NKAIN3: variants seen among roughly 807,000 people sequenced by gnomAD.
NKAIN3 encodes the protein sodium/potassium-transporting ATPase subunit beta-1-interacting protein 3.
Under a neutral mutation model 30.2 loss-of-function variants are expected in NKAIN3, and 25 were observed. The observed-to-expected ratio is 0.83, with a 90% CI of 0.60 to 1.16. The LOEUF is 1.16. Among genes scored for constraint, NKAIN3 ranks in the 50% most tolerant of loss-of-function variants. NKAIN3 has a pLI of 0.00. For missense variants in NKAIN3, 225 were observed against 254.1 expected (o/e 0.89, Z 0.78); for synonymous variants, 91 against 89.6 (o/e 1.02, Z -0.09).
At chr8:62,806,420 A>C (rs1818283439) in intron 4 of NKAIN3, among the ~76,000 whole-genome samples, 2 of 152,226 alleles carry the variant, frequency 1.3e-5, no homozygotes, top group African/African-American at 4.8e-5. Flanking sequence ...TGCAACAATC[A>C]TAGACTGGAT....
intron 4 of NKAIN3, among the ~76,000 whole-genome samples, chr8:62,793,194 A>C (rs529158144): frequency 1.3e-5 from 2 of 151,924 alleles, no homozygotes; most frequent in South Asian, 4.1e-4. Flanking sequence ...TGGTTTTACC[A>C]AGGGAAAAAA....
chr8:62,846,888 C>A (rs1819704619), intron 4 of NKAIN3, among the ~76,000 whole-genome samples: 1 of 152,116 alleles, frequency 6.6e-6, no homozygotes, highest in Admixed American at 6.6e-5. Context: ...TCATGTCTTA[C>A]ACGGTGGCAG....
At chr8:62,652,552 T>G (rs1236372025) in intron 3 of NKAIN3, among the ~76,000 whole-genome samples, 1 of 152,178 alleles carries the variant, frequency 6.6e-6, no homozygotes, top group Non-Finnish European at 1.5e-5. Context: ...ATTCTCCTTT[T>G]TAGTAAGATA....
rs576431669 is a variant in NKAIN3, at chr8:62,330,344, G to A, written c.54+81217G>A. ...ACTACCATTCAGAGTATAAGCCAGG[G>A]TACGTAGGAAACAAGGAGGCACTGG... On this transcript the variant is annotated intron_variant, in intron 1 of 6. Transcript: ENST00000623646. Among the ~76,000 whole-genome samples the A allele has an allele frequency of 7.9e-5, 12 of 152,084 alleles. No individual in the cohort carries two copies. In the South Asian group the frequency reaches 1.7e-3, roughly 21 times the overall value.
intron 1 of NKAIN3, among the ~76,000 whole-genome samples, chr8:62,560,513 C>A (rs1415797789): frequency 7.5e-6 from 1 of 133,856 alleles, no homozygotes; most frequent in East Asian, 2.2e-4. Context: ...TTCCAGTTCA[C>A]TGAATCTTTT....
At chr8:62,333,267 C>T (rs763486661) in intron 1 of NKAIN3, among the ~76,000 whole-genome samples, 8 of 151,960 alleles carry the variant, frequency 5.3e-5, no homozygotes, top group Non-Finnish European at 1.2e-4. Context: ...TTTTATGACT[C>T]CAGAAGTTAA....
At chr8:62,563,026 G>T (rs2129986065) in intron 1 of NKAIN3, among the ~76,000 whole-genome samples, 1 of 152,068 alleles carries the variant, frequency 6.6e-6, no homozygotes, top group South Asian at 2.1e-4. Context: ...CTTGTTTGTG[G>T]GATTGTGTGG....
chr8:62,843,298 CTTT>C (rs991536780), intron 4 of NKAIN3, among the ~76,000 whole-genome samples: 1 of 150,340 alleles, frequency 6.7e-6, no homozygotes, highest in African/African-American at 2.4e-5. Context: ...CGTCTTTTTT[CTTT>C]TTTTAATTAA....
At chr8:62,394,982 TCGGCG>T (rs371323025) in intron 1 of NKAIN3, among the ~76,000 whole-genome samples, 49 of 60,206 alleles carry the variant, frequency 8.1e-4, no homozygotes, top group African/African-American at 3.4e-3. Flanking sequence ...CCCAGACGGG[TCGGCG>T]GCCGGACAGA....
chr8:62,425,405 T>A (rs1804777078), intron 1 of NKAIN3, among the ~76,000 whole-genome samples: 1 of 151,880 alleles, frequency 6.6e-6, no homozygotes, highest in Non-Finnish European at 1.5e-5. Context: ...ATTATTAAAA[T>A]TAATTTTATG....
intron 4 of NKAIN3, among the ~76,000 whole-genome samples, chr8:62,811,090 C>T (rs535610781): frequency 6.6e-6 from 1 of 152,234 alleles, no homozygotes; most frequent in South Asian, 2.1e-4. Flanking sequence ...ACAATCCCTA[C>T]TCTGTTCTCT....
chr8:62,743,577 T>C (rs1193725766), intron 3 of NKAIN3, among the ~76,000 whole-genome samples: 1 of 152,108 alleles, frequency 6.6e-6, no homozygotes, highest in African/African-American at 2.4e-5. Context: ...TGCACAACCA[T>C]GTAGAAAGAA....
intron 3 of NKAIN3, among the ~76,000 whole-genome samples, chr8:62,701,962 T>C (rs1209656507): frequency 6.6e-6 from 1 of 152,154 alleles, no homozygotes; most frequent in Non-Finnish European, 1.5e-5. Context: ...TGGGGGCGTC[T>C]TTTTCCTCGA....
intron 3 of NKAIN3, among the ~76,000 whole-genome samples, chr8:62,697,010 C>G (rs1378337437): frequency 1.3e-5 from 2 of 152,094 alleles, no homozygotes; most frequent in African/African-American, 4.8e-5. Context: ...AAATTGCTTC[C>G]TTTTTGCAGG....
At chr8:62,360,639 C>T (rs1816528998) in intron 1 of NKAIN3, among the ~76,000 whole-genome samples, 1 of 152,084 alleles carries the variant, frequency 6.6e-6, no homozygotes, top group Admixed American at 6.5e-5. Context: ...GTCAGGTCTG[C>T]TTGATTCAGA....
chr8:62,385,186 T>C (rs1817388275), intron 1 of NKAIN3, among the ~76,000 whole-genome samples: 1 of 152,230 alleles, frequency 6.6e-6, no homozygotes, highest in East Asian at 1.9e-4. Flanking sequence ...GAGGTAATCA[T>C]TGTCTTTACC....
chr8:62,745,367 G>A (rs1816036728), intron 3 of NKAIN3, among the ~76,000 whole-genome samples: 1 of 152,198 alleles, frequency 6.6e-6, no homozygotes, highest in African/African-American at 2.4e-5. Flanking sequence ...CTAAGACAGA[G>A]CTCACTGTTG....
chr8:62,747,480 A>G (rs1023169933), intron 4 of NKAIN3, among the ~76,000 whole-genome samples: 1 of 152,200 alleles, frequency 6.6e-6, no homozygotes, highest in Non-Finnish European at 1.5e-5. Context: ...CCTCAGTTCC[A>G]GAGAAAGAAG....
intron 2 of NKAIN3, among the ~76,000 whole-genome samples, chr8:62,587,980 A>G (rs827690): frequency 0.89 from 135,780 of 151,966 alleles, 60,869 homozygotes; most frequent in African/African-American, 0.94. Context: ...ATACCTGTGC[A>G]TTTAGGAATT....
Sources: allele counts gnomAD v4.1 joint callset (sites outside exome capture counted in the v4.1 genomes callset), GRCh38; gene constraint gnomAD v4.1.1; transcripts MANE v1.5; gene names NCBI Gene and HGNC (gene_info 2026-07-23, HGNC 2026-07-21).